Variants in NXPE4 observed in about 807,000 individuals in gnomAD.
NXPE4 encodes the protein neurexophilin and PC-esterase domain family member 4.
Under a neutral mutation model 33.3 loss-of-function variants are expected in NXPE4, and 42 were observed. The observed-to-expected ratio is 1.26, with a 90% CI of 0.98 to 1.63. The LOEUF (loss-of-function observed/expected upper bound fraction) is 1.63, where lower values mean the gene tolerates loss of function less well. Among genes scored for constraint, NXPE4 ranks in the 40% most tolerant of loss-of-function variants. The pLI is 0.00. For synonymous variants in NXPE4, 253 were observed against 234.9 expected (o/e 1.08, Z -0.71); for missense variants, 709 against 647.6 (o/e 1.09, Z -1.03).
In NXPE4 at chr11:114,570,906, T is replaced by G; in HGVS notation, c.*32A>C. 2.0e-6 allele frequency: 3 copies of G among 1,483,754 alleles called. No individual in the cohort carries two copies. The highest frequency in any genetic ancestry group is 2.7e-6 in the Non-Finnish European group (3 of 1,100,066). The allele number at this position is 1,483,754 out of a possible 1,614,324, so 91.9% of individuals were successfully genotyped here. ...GTAGACAGTCAATAAATTTTTTTAC[T>G]TAAGTGAATGAATTTCAGACTTTTG... is the stretch of plus-strand genomic sequence containing the variant. On this transcript the variant is annotated 3_prime_UTR_variant, in exon 6 of 6. Coordinates refer to ENST00000375478, the MANE Select transcript of NXPE4 (RefSeq NM_001077639.2).
chr11:114,629,019 G>A, the NXPE4 span, among the ~76,000 whole-genome samples: 225 of 152,104 alleles, frequency 1.5e-3, no homozygotes, highest in Non-Finnish European at 2.6e-3. Flanking sequence ...CTGAAATTGT[G>A]GCAATAATCA....
chr11:114,629,400 A>G, the NXPE4 span, among the ~76,000 whole-genome samples: 1 of 151,970 alleles, frequency 6.6e-6, no homozygotes, highest in Non-Finnish European at 1.5e-5. Flanking sequence ...CAGCATATAA[A>G]CAGAACCAAA....
the NXPE4 span, among the ~76,000 whole-genome samples, chr11:114,668,840 C>A: frequency 1.3e-5 from 2 of 152,006 alleles, no homozygotes; most frequent in Admixed American, 1.3e-4. Flanking sequence ...TGGACAAAAT[C>A]ATCAAAAACA....
At chr11:114,660,044 G>C in the NXPE4 span, among the ~76,000 whole-genome samples, 4 of 152,038 alleles carry the variant, frequency 2.6e-5, no homozygotes, top group South Asian at 8.3e-4. Flanking sequence ...ACAACTCAAA[G>C]GAAATGAGAA....
the NXPE4 span, among the ~76,000 whole-genome samples, chr11:114,658,904 A>G: frequency 6.6e-6 from 1 of 152,186 alleles, no homozygotes; most frequent in Non-Finnish European, 1.5e-5. Flanking sequence ...GTAGAAAGCA[A>G]CAGCAATCTA....
chr11:114,644,590 T>C, the NXPE4 span, among the ~76,000 whole-genome samples: 1 of 152,126 alleles, frequency 6.6e-6, no homozygotes, highest in Non-Finnish European at 1.5e-5. Context: ...TATAAAATAT[T>C]TTTATGGACA....
At chr11:114,653,616 C>T in the NXPE4 span, among the ~76,000 whole-genome samples, 1 of 143,572 alleles carries the variant, frequency 7.0e-6, no homozygotes, top group Non-Finnish European at 1.5e-5. Flanking sequence ...CAAGCTTCAA[C>T]TTCTGGGTTC....
At chr11:114,613,503 G>A in the NXPE4 span, among the ~76,000 whole-genome samples, 3 of 151,836 alleles carry the variant, frequency 2.0e-5, no homozygotes, top group Admixed American at 6.6e-5. Flanking sequence ...CTATTACCCA[G>A]TGGATAATAA....
At chr11:114,617,589 C>G in the NXPE4 span, among the ~76,000 whole-genome samples, 17 of 151,996 alleles carry the variant, frequency 1.1e-4, no homozygotes, top group Non-Finnish European at 7.4e-5. Flanking sequence ...ACCGGTGTTA[C>G]CCGGTGCATA....
At chr11:114,583,205 A>G (rs760259287) in intron 2 of NXPE4, 184 bp from the exon 3 acceptor site, 3 of 759,410 alleles carry the variant, frequency 4.0e-6, no homozygotes, top group Non-Finnish European at 6.4e-6. Context: ...AAAGGCATAG[A>G]ATGGAGATTG....
At chr11:114,585,300 A>G (rs903280677) in intron 2 of NXPE4, among the ~76,000 whole-genome samples, 1 of 151,990 alleles carries the variant, frequency 6.6e-6, no homozygotes, top group Non-Finnish European at 1.5e-5. Context: ...ATAAAATGGT[A>G]TATTTCATTA....
At chr11:114,663,733 A>G in the NXPE4 span, among the ~76,000 whole-genome samples, 2 of 151,988 alleles carry the variant, frequency 1.3e-5, no homozygotes, top group African/African-American at 4.8e-5. Context: ...CTACCTATCT[A>G]TTGGCGAACT....
chr11:114,638,000 A>T, the NXPE4 span, among the ~76,000 whole-genome samples: 18 of 151,328 alleles, frequency 1.2e-4, no homozygotes, highest in African/African-American at 3.4e-4. Flanking sequence ...CCTGAATCTG[A>T]ACGTTGGCCT....
chr11:114,641,078 G>A, the NXPE4 span, among the ~76,000 whole-genome samples: 1 of 151,932 alleles, frequency 6.6e-6, no homozygotes, highest in Non-Finnish European at 1.5e-5. Context: ...GAAGTTTCTT[G>A]GTCTGAAAAG....
chr11:114,635,494 G>T, the NXPE4 span, among the ~76,000 whole-genome samples: 1 of 151,552 alleles, frequency 6.6e-6, no homozygotes, highest in Non-Finnish European at 1.5e-5. Context: ...AGAACTTCCA[G>T]CACTCTGATG....
chr11:114,637,530 CGTTA>C, the NXPE4 span, among the ~76,000 whole-genome samples: 1 of 150,694 alleles, frequency 6.6e-6, no homozygotes, highest in African/African-American at 2.4e-5. Context: ...TTATTTTGCT[CGTTA>C]GTTGATACAG....
At chr11:114,626,349 C>A in the NXPE4 span, among the ~76,000 whole-genome samples, 1 of 152,220 alleles carries the variant, frequency 6.6e-6, no homozygotes, top group Non-Finnish European at 1.5e-5. Context: ...AGACTGCCTC[C>A]TCAAGTGGGT....
chr11:114,662,377 C>T, the NXPE4 span, among the ~76,000 whole-genome samples: 8 of 152,148 alleles, frequency 5.3e-5, no homozygotes, highest in East Asian at 7.7e-4. Context: ...ATTACCCATC[C>T]GGGTTGTTGG....
At chr11:114,661,847 T>A in the NXPE4 span, among the ~76,000 whole-genome samples, 1 of 152,092 alleles carries the variant, frequency 6.6e-6, no homozygotes, top group Non-Finnish European at 1.5e-5. Flanking sequence ...AGAAAAAAAA[T>A]TAAGATTCTC....
Sources: allele counts gnomAD v4.1 joint callset (sites outside exome capture counted in the v4.1 genomes callset), GRCh38; gene constraint gnomAD v4.1.1; transcripts MANE v1.5; gene names NCBI Gene and HGNC (gene_info 2026-07-23, HGNC 2026-07-21).